The following DTL variants were observed in gnomAD, a reference collection of about 807,000 sequenced individuals.
DTL encodes the protein denticleless protein homolog.
DTL carries 46 observed loss-of-function variants against 87.0 expected under a neutral mutation model. The observed-to-expected ratio is 0.53, with a 90% CI of 0.42 to 0.68. The LOEUF (loss-of-function observed/expected upper bound fraction) is 0.68. Ranked by LOEUF, DTL falls within the 30% of genes least tolerant of loss-of-function variation. The pLI is 0.00. For missense variants in DTL, 737 were observed against 869.4 expected, an observed-to-expected ratio of 0.85 and a Z score of 1.91; for synonymous variants, 308 against 311.2, an observed-to-expected ratio of 0.99 and a Z score of 0.11.
intron 1 of DTL, among the ~76,000 whole-genome samples, chr1:212,042,362 T>A (rs992837344): frequency 5.9e-5 from 9 of 152,200 alleles, no homozygotes; most frequent in Admixed American, 3.9e-4. Context: ...CTGTAAAGAC[T>A]CCCTGACCCA....
intron 13 of DTL, among the ~76,000 whole-genome samples, chr1:212,098,081 A>C (rs1655502943): frequency 6.6e-6 from 1 of 152,174 alleles, no homozygotes; most frequent in African/African-American, 2.4e-5. Context: ...ATCTGTCTTC[A>C]GGTCTGTATG....
At chr1:212,038,592 T>C (rs1216980521) in intron 1 of DTL, among the ~76,000 whole-genome samples, 1 of 152,246 alleles carries the variant, frequency 6.6e-6, no homozygotes, top group Non-Finnish European at 1.5e-5. Context: ...CTTTACTGTA[T>C]GCTGGATGTG....
chr1:212,043,032 G>T lies in DTL; in HGVS notation c.92G>T (p.Gly31Val), dbSNP rs751780440. Residue 31 changes from glycine (G) to valine (V), a missense_variant, in exon 2 of 15, where the codon GGT becomes GTT. Coordinates refer to ENST00000366991, the MANE Select transcript of DTL (RefSeq NM_016448.4). ...SQYPLQSLLT[G>V]YQCSGNDEHT... is the part of the protein sequence containing the mutation. ...TACCCTCTTCAATCCCTTCTGACTG[G>T]TTATCAGTGCAGTGGTAATGATGAA... is the stretch of plus-strand genomic sequence containing the variant. The T allele has an allele frequency of 6.2e-7, 1 of 1,612,670 alleles. No individual in the cohort carries two copies. The highest frequency in any genetic ancestry group is 1.3e-5 in the African/African-American group (1 of 74,858).
chr1:212,065,329 T>C (rs1352785108), intron 7 of DTL, among the ~76,000 whole-genome samples: 1 of 152,190 alleles, frequency 6.6e-6, no homozygotes, highest in African/African-American at 2.4e-5. Flanking sequence ...TGTTGTCTCA[T>C]GCCATTAAGC....
chr1:212,041,883 C>T (rs1288874602), intron 1 of DTL, among the ~76,000 whole-genome samples: 1 of 152,022 alleles, frequency 6.6e-6, no homozygotes, highest in African/African-American at 2.4e-5. Flanking sequence ...ACGTGATGGC[C>T]CCAGAACTAA....
intron 12 of DTL, 117 bp downstream of exon 12, chr1:212,078,379 C>T: frequency 1.5e-6 from 1 of 655,282 alleles, no homozygotes. Flanking sequence ...ATTTTAAAGA[C>T]CTAAAGGCCA....
intron 13 of DTL, among the ~76,000 whole-genome samples, chr1:212,089,879 C>T (rs574910771): frequency 6.6e-6 from 1 of 152,280 alleles, no homozygotes; most frequent in African/African-American, 2.4e-5. Context: ...CCCAATCCTG[C>T]CTTGTTAATC....
chr1:212,090,372 T>C (rs1010914535), intron 13 of DTL, among the ~76,000 whole-genome samples: 12 of 152,230 alleles, frequency 7.9e-5, no homozygotes, highest in Admixed American at 3.3e-4. Context: ...AAAAGAGAGA[T>C]TGCATTTTTA....
At chr1:212,079,648 G>A (rs758983818) in intron 12 of DTL, among the ~76,000 whole-genome samples, 5 of 152,118 alleles carry the variant, frequency 3.3e-5, no homozygotes, top group Non-Finnish European at 1.5e-5. Flanking sequence ...AAAGCTTTTA[G>A]AGTGTGAGAA....
At chr1:212,085,887 C>T (rs1301609752) in intron 13 of DTL, among the ~76,000 whole-genome samples, 1 of 152,046 alleles carries the variant, frequency 6.6e-6, no homozygotes, top group African/African-American at 2.4e-5. Flanking sequence ...ATTCTTTAGC[C>T]CATTGAATCG....
intron 1 of DTL, among the ~76,000 whole-genome samples, chr1:212,038,065 C>T (rs561221295): frequency 6.6e-6 from 1 of 152,288 alleles, no homozygotes; most frequent in East Asian, 1.9e-4. Context: ...TATTTCATCA[C>T]AGGAAGCACT....
chr1:212,101,072 A>G lies in DTL; in HGVS notation c.2082A>G (p.Lys694=), dbSNP rs1017109660. 1.2e-6 allele frequency: 2 copies of G among 1,602,974 alleles called. No individual in the cohort carries two copies. Among genetic ancestry groups the G allele is most frequent in the Non-Finnish European group, 1.7e-6 (2 of 1,174,912 alleles). ...TPNSRRQSGK[K]LPSPVTITPS... is the part of the protein sequence containing the mutation. ...ATTCCAGGAGACAGAGCGGAAAGAAATTGCCAAGCCCGGTAAGTCAGCAGT... is the reference window on the plus strand; with the variant it reads ...ATTCCAGGAGACAGAGCGGAAAGAAGTTGCCAAGCCCGGTAAGTCAGCAGT... The change falls in exon 14 of 15, where the codon AAA becomes AAG. Residue 694 remains lysine, a synonymous_variant. Coordinates refer to ENST00000366991, the MANE Select transcript of DTL (RefSeq NM_016448.4).
chr1:212,043,217 A>C, intron 2 of DTL, 99 bp downstream of exon 2: 1 of 1,240,950 alleles, frequency 8.1e-7, no homozygotes, highest in Non-Finnish European at 1.1e-6. Flanking sequence ...AAGAAAAGTA[A>C]ATTAGGTGGA....
In DTL at chr1:212,100,957, C is replaced by T. The variant is rs769704366; in HGVS notation, c.1967C>T (p.Ser656Phe). Residue 656 changes from serine to phenylalanine, a missense_variant, in exon 14 of 15, where the codon TCC becomes TTC. By Grantham distance (155) the Ser-to-Phe change is radical. Coordinates refer to ENST00000366991, the MANE Select transcript of DTL (RefSeq NM_016448.4). ...GSEMVGKENS[S>F]PENKNWLLAM... is the part of the protein sequence containing the mutation. ...GAAATGGTAGGCAAAGAGAATAGTT[C>T]CCCAGAGAATAAAAACTGGTTGTTG... The T allele has an allele frequency of 1.2e-6, 2 of 1,614,092 alleles. No homozygotes were observed. The highest frequency in any genetic ancestry group is 2.2e-5 in the South Asian group (2 of 91,078).
At chr1:212,093,519 A>G (rs1038129360) in intron 13 of DTL, among the ~76,000 whole-genome samples, 14 of 152,144 alleles carry the variant, frequency 9.2e-5, no homozygotes, top group African/African-American at 3.1e-4. Context: ...CAGAAGGGAA[A>G]TGGCTTTCCC....
At chr1:212,039,583 T>C (rs1223144779) in intron 1 of DTL, among the ~76,000 whole-genome samples, 1 of 152,170 alleles carries the variant, frequency 6.6e-6, no homozygotes, top group African/African-American at 2.4e-5. Flanking sequence ...CAATTGCTTA[T>C]AAATGGAGAT....
At chr1:212,083,884 A>G (rs773335932) in intron 13 of DTL, among the ~76,000 whole-genome samples, 7 of 152,056 alleles carry the variant, frequency 4.6e-5, no homozygotes, top group Admixed American at 6.5e-5. Context: ...GTTGACTCTT[A>G]CTGGCCAACA....
intron 13 of DTL, chr1:212,099,580 A>AGGG (rs778017621): frequency 3.3e-5 from 5 of 152,464 alleles, no homozygotes; most frequent in Non-Finnish European, 7.3e-5. Context: ...AGGTTCTAGC[A>AGGG]GGGGAGCACA....
At chr1:212,046,599 T>C (rs975874229) in intron 3 of DTL, among the ~76,000 whole-genome samples, 6 of 152,194 alleles carry the variant, frequency 3.9e-5, no homozygotes, top group Non-Finnish European at 7.3e-5. Context: ...GCTCCATCCA[T>C]GTCCCTGCAA....
Sources: gnomAD v4.1 joint callset for allele counts (sites outside exome capture counted in the v4.1 genomes callset) on GRCh38, gnomAD v4.1.1 for gene constraint, MANE v1.5 for transcripts, NCBI Gene and HGNC (gene_info 2026-07-23, HGNC 2026-07-21) for gene names.